EXT1: variants seen among roughly 807,000 people sequenced by gnomAD.
EXT1 encodes the protein exostosin glycosyltransferase 1.
A neutral mutation model predicts 82.5 loss-of-function variants in EXT1; 20 were observed. The ratio of observed to expected loss-of-function variants is 0.24; its 90% CI spans 0.17 to 0.35. The LOEUF (loss-of-function observed/expected upper bound fraction) is 0.35. EXT1 is among the 10% of genes least tolerant of loss of function. EXT1 has a pLI of 1.00. For missense variants in EXT1, 757 were observed against 936.5 expected (o/e 0.81, Z 2.50); for synonymous variants, 348 against 350.8 (o/e 0.99, Z 0.09).
At chr8:118,027,672 C>G (rs1397708427) in intron 1 of EXT1, among the ~76,000 whole-genome samples, 3 of 152,230 alleles carry the variant, frequency 2.0e-5, no homozygotes, top group Admixed American at 1.3e-4. Context: ...GCCCCAGCAT[C>G]AGTCACTTCC....
At chr8:117,884,291 A>C (rs1813110384) in intron 1 of EXT1, among the ~76,000 whole-genome samples, 1 of 152,160 alleles carries the variant, frequency 6.6e-6, no homozygotes, top group Non-Finnish European at 1.5e-5. Flanking sequence ...AAAGCCCCCA[A>C]AGAAGAATGA....
At chr8:117,932,615 C>T (rs1490272550) in intron 1 of EXT1, among the ~76,000 whole-genome samples, 1 of 152,146 alleles carries the variant, frequency 6.6e-6, no homozygotes, top group Non-Finnish European at 1.5e-5. Context: ...CTCCACCCCT[C>T]TTTTTTCTAT....
rs768731740 is a variant in EXT1, at chr8:117,827,784, C to CAAA, written c.1284+2443_1284+2445dup. 1.2e-3 allele frequency among the ~76,000 whole-genome samples: 66 copies of CAAA among 54,132 alleles called. 1 individual carries two copies. Among genetic ancestry groups the CAAA allele is most frequent in the East Asian group, 4.0e-3 (5 of 1,258 alleles). 35.5% of individuals were successfully genotyped at this position (54,132 alleles called of 152,430 possible). A position where few individuals can be genotyped will look rare whatever the true frequency, so the allele number is the denominator to read the frequency against. ...TGGGGGACAGGGTGAGACTCTGTCT[C>CAAA]AAAAAAAAAAAAAAAAAAAAAAAAA... On this transcript the variant is annotated intron_variant, in intron 4 of 10. Transcript: ENST00000378204.
intron 1 of EXT1, among the ~76,000 whole-genome samples, chr8:118,071,524 A>AG (rs746915670): frequency 3.2e-5 from 3 of 93,328 alleles, no homozygotes; most frequent in Non-Finnish European, 6.4e-5. Context: ...CAAAAGTAGT[A>AG]GGGGGGCAGG....
At chr8:117,840,424 C>T (rs1371545402) in intron 1 of EXT1, among the ~76,000 whole-genome samples, 1 of 152,042 alleles carries the variant, frequency 6.6e-6, no homozygotes, top group Non-Finnish European at 1.5e-5. Flanking sequence ...ACCAGTCTGG[C>T]CAACATGGTG....
At chr8:117,922,371 T>C (rs1237978330) in intron 1 of EXT1, among the ~76,000 whole-genome samples, 1 of 152,116 alleles carries the variant, frequency 6.6e-6, no homozygotes, top group Non-Finnish European at 1.5e-5. Flanking sequence ...GAGTTGACAA[T>C]GTGGTGAGAA....
intron 1 of EXT1, among the ~76,000 whole-genome samples, chr8:117,957,551 T>C (rs1814613352): frequency 6.6e-6 from 1 of 152,102 alleles, no homozygotes; most frequent in African/African-American, 2.4e-5. Context: ...TGCCCAGAAG[T>C]AATCACTTTC....
intron 8 of EXT1, among the ~76,000 whole-genome samples, chr8:117,812,367 G>C (rs2129718255): frequency 6.6e-6 from 1 of 152,248 alleles, no homozygotes. Flanking sequence ...CAACCTTGAA[G>C]TGAAACCGTT....
At chr8:117,811,807 G>T (rs374173083) in intron 8 of EXT1, among the ~76,000 whole-genome samples, 2 of 152,104 alleles carry the variant, frequency 1.3e-5, no homozygotes, top group South Asian at 2.1e-4. Context: ...GTAGAGATAA[G>T]GTTTCACCAT....
At chr8:118,035,616 A>C (rs549318143) in intron 1 of EXT1, among the ~76,000 whole-genome samples, 7 of 152,034 alleles carry the variant, frequency 4.6e-5, no homozygotes, top group South Asian at 2.1e-4. Context: ...ACACACACAC[A>C]CCCCATCCAA....
intron 1 of EXT1, among the ~76,000 whole-genome samples, chr8:117,858,077 T>C (rs1812596699): frequency 6.6e-6 from 1 of 152,196 alleles, no homozygotes; most frequent in Non-Finnish European, 1.5e-5. Flanking sequence ...GGATGAGGAA[T>C]TGCTTCTTAT....
At chr8:117,801,018 C>T (rs1033890072) in intron 10 of EXT1, among the ~76,000 whole-genome samples, 1 of 152,180 alleles carries the variant, frequency 6.6e-6, no homozygotes, top group Non-Finnish European at 1.5e-5. Context: ...TATGTATGCA[C>T]GTGTGTTCTG....
chr8:118,107,590 A>C (rs1308901720), intron 1 of EXT1, among the ~76,000 whole-genome samples: 1 of 152,194 alleles, frequency 6.6e-6, no homozygotes, highest in East Asian at 1.9e-4. Context: ...ATCTTCCAGA[A>C]AGCATCAATA....
chr8:118,002,823 C>T (rs1001903332), intron 1 of EXT1, among the ~76,000 whole-genome samples: 1 of 152,084 alleles, frequency 6.6e-6, no homozygotes, highest in Non-Finnish European at 1.5e-5. Context: ...TGAGCCACTG[C>T]ACCCGGCCTG....
intron 1 of EXT1, among the ~76,000 whole-genome samples, chr8:117,875,180 G>A (rs1246969430): frequency 6.6e-6 from 1 of 152,074 alleles, no homozygotes; most frequent in African/African-American, 2.4e-5. Context: ...ACTTTGGGGG[G>A]CCAAGGCAGG....
chr8:117,812,896 C>G lies in EXT1; in HGVS notation c.1698G>C (p.Glu566Asp). Reference protein sequence around the residue: ...IITDAVLSLDEDTVLSTTEVD... With the variant: ...IITDAVLSLDDDTVLSTTEVD... ...CCTCTGTTGTTGAAAGCACCGTGTC[C>G]TCGTCAAGGCTGAGCACGGCGTCTG... is the stretch of plus-strand genomic sequence containing the variant. The change falls in exon 8 of 11, where the codon GAG becomes GAC. Residue 566 changes from glutamate to aspartate, a missense_variant. Glu to Asp is a conservative substitution (Grantham distance 45). Around this residue, in one of 4 missense-constraint regions of EXT1, gnomAD observed 207 missense variants for 224.2 expected, o/e 0.92. Transcript: ENST00000378204. The G allele has an allele frequency of 6.2e-7, 1 of 1,614,078 alleles. No homozygotes were observed. Among genetic ancestry groups the G allele is most frequent in the Non-Finnish European group, 8.5e-7 (1 of 1,180,008 alleles).
rs1222573162 is a variant in EXT1, at chr8:117,968,577, T to A, written c.963-131376A>T. ...TATTTTTTTTTTTTTTTTTTTTTTT[T>A]TTTTTTTTTTGAGACGGAGTCTCAC... is the stretch of plus-strand genomic sequence containing the variant. On this transcript the variant is annotated intron_variant, in intron 1 of 10. Coordinates refer to ENST00000378204, the MANE Select transcript of EXT1 (RefSeq NM_000127.3). Among the ~76,000 whole-genome samples, 5 of 46,016 alleles carry A rather than the reference T, an allele frequency of 1.1e-4. No homozygotes were observed. In the East Asian group the frequency reaches 1.8e-3, roughly 17 times the overall value. The allele number at this position is 46,016 out of a possible 152,430, so 30.2% of individuals were successfully genotyped here. A position where few individuals can be genotyped will look rare whatever the true frequency, so the allele number is the denominator to read the frequency against.
At chr8:118,012,456 C>A (rs112092964) in intron 1 of EXT1, among the ~76,000 whole-genome samples, 12 of 152,338 alleles carry the variant, frequency 7.9e-5, no homozygotes, top group African/African-American at 2.6e-4. Flanking sequence ...GCAGTGTCTG[C>A]CTCCCCAAGC....
intron 9 of EXT1, among the ~76,000 whole-genome samples, 182 bp from the exon 10 acceptor site, chr8:117,805,075 G>A (rs1450925533): frequency 1.3e-5 from 2 of 152,110 alleles, no homozygotes; most frequent in Non-Finnish European, 2.9e-5. Flanking sequence ...ACCAGATATT[G>A]TTCTAAAGTG....
Sources: allele counts gnomAD v4.1 joint callset (sites outside exome capture counted in the v4.1 genomes callset), GRCh38; gene constraint gnomAD v4.1.1; regional missense constraint gnomAD v4.1.1; transcripts MANE v1.5; gene names NCBI Gene and HGNC (gene_info 2026-07-23, HGNC 2026-07-21).